INTS10: variants seen among roughly 807,000 people sequenced by gnomAD.
INTS10 encodes the protein integrator complex subunit 10, also known as chromosome 8 open reading frame 35.
In INTS10, 44 loss-of-function variants were observed where a neutral mutation model predicts 94.4. The observed-to-expected ratio is 0.47, with a 90% CI of 0.37 to 0.60. INTS10 has a LOEUF of 0.60. Ranked by LOEUF, INTS10 falls within the 20% of genes least tolerant of loss-of-function variation. The probability of loss-of-function intolerance (pLI) is 0.00; values close to 1 mark genes in which losing one functional copy is unlikely to be tolerated. For missense variants in INTS10, 797 were observed against 868.7 expected (o/e 0.92, Z 1.04); for synonymous variants, 341 against 320.7 (o/e 1.06, Z -0.68).
intron 9 of INTS10, among the ~76,000 whole-genome samples, chr8:19,828,747 A>G (rs1219040244): frequency 2.0e-5 from 3 of 151,624 alleles, no homozygotes; most frequent in East Asian, 3.9e-4. Flanking sequence ...GGTGGAGACA[A>G]GGTCTTTCTA....
intron 2 of INTS10, chr8:19,818,622 T>C (rs1563319784): frequency 2.3e-6 from 1 of 438,058 alleles, no homozygotes; most frequent in Non-Finnish European, 4.2e-6. Context: ...CAAACACTAC[T>C]TGTTATAGAG....
rs562710622 is a variant in INTS10, at chr8:19,851,059, A to G, written c.1977-590A>G. 1.3e-5 allele frequency among the ~76,000 whole-genome samples: 2 copies of G among 152,198 alleles called. No individual in the cohort carries two copies. The highest frequency in any genetic ancestry group is 2.4e-5 in the African/African-American group (1 of 41,524). On this transcript the variant is annotated intron_variant, in intron 16 of 16. Transcript: ENST00000397977. This position sits in a 1 kb window ranked among gnomAD's most constrained non-coding sequence, Gnocchi z 5.0. ...CCTCCCGCTGCGTTTTCTTCAACAT[A>G]TGAGAGTCTAGATGGGCACAGCATT...
chr8:19,837,468 G>C (rs1365643340), intron 13 of INTS10: 1 of 225,198 alleles, frequency 4.4e-6, no homozygotes, highest in African/African-American at 2.3e-5. Flanking sequence ...CCTTGGCTCT[G>C]ATTTCATGAG....
intron 13 of INTS10, chr8:19,841,815 T>A (rs1181491919): frequency 2.2e-6 from 1 of 455,984 alleles, no homozygotes; most frequent in Non-Finnish European, 4.4e-6. Context: ...AGCTGTGAGT[T>A]TTCATTTACA....
intron 13 of INTS10, among the ~76,000 whole-genome samples, chr8:19,839,067 G>A (rs765770828): frequency 9.9e-5 from 15 of 150,880 alleles, no homozygotes; most frequent in East Asian, 3.9e-4. Context: ...GTGAGACTCC[G>A]TTTCAAAAAA....
intron 13 of INTS10, chr8:19,837,416 C>G: frequency 5.9e-6 from 2 of 337,924 alleles, no homozygotes; most frequent in Non-Finnish European, 1.1e-5. Context: ...TGCTGCAGGG[C>G]TTGCCAAATT....
At position 19,819,760 on chromosome 8, in the gene INTS10, G is replaced by C. The variant is rs990283192; in HGVS notation, c.301+84G>C. 7 of 967,646 alleles carry C rather than the reference G, an allele frequency of 7.2e-6. No homozygotes were observed. In the African/African-American group the frequency reaches 1.1e-4, roughly 16 times the overall value. The allele number at this position is 967,646 out of a possible 1,614,324, so 59.9% of individuals were successfully genotyped here. A position where few individuals can be genotyped will look rare whatever the true frequency, so the allele number is the denominator to read the frequency against. On this transcript the variant is annotated intron_variant, in intron 3 of 16. Transcript: ENST00000397977. Reference sequence around the variant, plus strand: ...TCACACACAAAAAAGTCACACCTGGGGTATTGGTAACCATATGTATGTTTT... The same window carrying C: ...TCACACACAAAAAAGTCACACCTGGCGTATTGGTAACCATATGTATGTTTT...
chr8:19,824,213 T>G (rs2066615268), intron 7 of INTS10, 169 bp downstream of exon 7: 3 of 526,036 alleles, frequency 5.7e-6, no homozygotes, highest in Non-Finnish European at 9.9e-6. Flanking sequence ...CATTTCTGAC[T>G]GGGCACAATG....
intron 9 of INTS10, among the ~76,000 whole-genome samples, chr8:19,829,996 C>T (rs983835167): frequency 2.0e-5 from 3 of 151,984 alleles, no homozygotes; most frequent in Non-Finnish European, 2.9e-5. Context: ...CCAGTACATG[C>T]CAAACCATTA....
At chr8:19,840,961 A>G (rs767692598) in intron 13 of INTS10, among the ~76,000 whole-genome samples, 6 of 152,206 alleles carry the variant, frequency 3.9e-5, no homozygotes, top group Admixed American at 2.0e-4. Flanking sequence ...GCATGACTTT[A>G]TATACCTTCC....
chr8:19,824,221 A>G (rs958174112), intron 7 of INTS10, 177 bp downstream of exon 7: 6 of 509,824 alleles, frequency 1.2e-5, no homozygotes, highest in African/African-American at 5.9e-5. Flanking sequence ...ACTGGGCACA[A>G]TGGCTCACAT....
At chr8:19,817,911 C>A (rs1029383670) in intron 1 of INTS10, among the ~76,000 whole-genome samples, 2 of 152,122 alleles carry the variant, frequency 1.3e-5, no homozygotes, top group Non-Finnish European at 2.9e-5. Context: ...CGGCCGATCC[C>A]GCTTGAGGTC....
At position 19,823,366 on chromosome 8, in the gene INTS10, A is replaced by G; in HGVS notation, c.589A>G (p.Lys197Glu). Residue 197 changes from lysine (K) to glutamate (E), a missense_variant, in exon 6 of 17, where the codon AAG becomes GAG. Around this residue, in one of 3 missense-constraint regions of INTS10, gnomAD observed 734 missense variants for 787.8 expected, o/e 0.93. Coordinates refer to ENST00000397977, the MANE Select transcript of INTS10 (RefSeq NM_018142.4). ...DVRLPANLLY[K>E]YLNKAAEFYI... ...TCGATTACCTGCCAATTTATTGTATAAGTACTTGAACAAAGCAGCTGAATT... is the reference window on the plus strand; with the variant it reads ...TCGATTACCTGCCAATTTATTGTATGAGTACTTGAACAAAGCAGCTGAATT... The G allele has an allele frequency of 6.2e-7, 1 of 1,601,256 alleles. No individual in the cohort carries two copies. Among genetic ancestry groups the G allele is most frequent in the Non-Finnish European group, 8.6e-7 (1 of 1,168,360 alleles).
chr8:19,845,407 G>A (rs2128809031), intron 15 of INTS10: 1 of 299,502 alleles, frequency 3.3e-6, no homozygotes, highest in Non-Finnish European at 6.3e-6. Flanking sequence ...TTGTCCTCAT[G>A]CTCTTTAGCC....
chr8:19,824,079 A>T, intron 7 of INTS10, 35 bp downstream of exon 7: 1 of 1,509,936 alleles, frequency 6.6e-7, no homozygotes, highest in Non-Finnish European at 9.0e-7. Flanking sequence ...TTGCCTATTG[A>T]TTCTTTTGGA....
intron 12 of INTS10, among the ~76,000 whole-genome samples, chr8:19,834,191 T>C (rs567897307): frequency 7.9e-5 from 12 of 152,282 alleles, no homozygotes; most frequent in African/African-American, 2.9e-4. Flanking sequence ...AACCGTGTTG[T>C]TGTGTATGCA....
At chr8:19,818,666 A>G (rs1421245177) in intron 2 of INTS10, 1 of 341,080 alleles carries the variant, frequency 2.9e-6, no homozygotes, top group African/African-American at 2.1e-5. Context: ...AAACTGAACC[A>G]GAGTTAAGTT....
At chr8:19,841,962 A>G (rs747935817) in intron 13 of INTS10, 47 of 377,384 alleles carry the variant, frequency 1.2e-4, no homozygotes, top group Non-Finnish European at 2.2e-4. Flanking sequence ...TTATGTAAGT[A>G]TGTGTGTACA....
At chr8:19,830,109 T>C (rs76822397) in intron 9 of INTS10, among the ~76,000 whole-genome samples, 1 of 152,136 alleles carries the variant, frequency 6.6e-6, no homozygotes, top group South Asian at 2.1e-4. Flanking sequence ...AAATTTTGAC[T>C]TTCATAAAAT....
Sources: gnomAD v4.1 joint callset for allele counts (sites outside exome capture counted in the v4.1 genomes callset) on GRCh38, gnomAD v4.1.1 for gene constraint, gnomAD v4.1.1 regional missense constraint, Gnocchi (gnomAD v3.1) non-coding constraint, MANE v1.5 for transcripts, NCBI Gene and HGNC (gene_info 2026-07-23, HGNC 2026-07-21) for gene names.